DTNBP1: variants seen among roughly 807,000 people sequenced by gnomAD.
The protein encoded by DTNBP1 is dystrobrevin binding protein 1.
Under a neutral mutation model 42.8 loss-of-function variants are expected in DTNBP1, and 35 were observed. The ratio of observed to expected loss-of-function variants is 0.82; its 90% confidence interval spans 0.63 to 1.09. DTNBP1 has a LOEUF of 1.09. Ranked by LOEUF, DTNBP1 falls within the 50% of genes least tolerant of loss-of-function variation. The pLI is 0.00. For missense variants in DTNBP1, 457 were observed against 424.2 expected, an observed-to-expected ratio of 1.08 and a Z score of -0.68; for synonymous variants, 171 against 162.2, an observed-to-expected ratio of 1.05 and a Z score of -0.41.
At chr6:15,524,476 G>A in intron 9 of DTNBP1, 50 bp downstream of exon 9, 6 of 1,613,348 alleles carry the variant, frequency 3.7e-6, no homozygotes, top group East Asian at 4.5e-5. Flanking sequence ...TTGGAGGGGA[G>A]TGGCATCGAT....
chr6:15,637,776 T>G lies in DTNBP1; in HGVS notation c.190A>C (p.Arg64=). ...GCACTTGCACAGTCTTTGGCTCTTC[T>G]GTGAAGTGCAGCCCATGTATCCTCA... ...RYEDTWAALH[R]RAKDCASAGE... Residue 64 remains arginine, a synonymous_variant, in exon 4 of 10, where the codon AGA becomes CGA. Transcript: ENST00000344537. 2 of 1,613,800 alleles carry G rather than the reference T, an allele frequency of 1.2e-6. No homozygotes were observed.
intron 7 of DTNBP1, among the ~76,000 whole-genome samples, chr6:15,543,066 C>T (rs990204796): frequency 1.3e-5 from 2 of 152,110 alleles, no homozygotes; most frequent in South Asian, 4.2e-4. Flanking sequence ...AATTTTTAGC[C>T]ATAAAAAATT....
intron 4 of DTNBP1, 134 bp from the exon 5 acceptor site, chr6:15,627,609 G>A: frequency 7.6e-7 from 1 of 1,313,112 alleles, no homozygotes; most frequent in Middle Eastern, 2.5e-4. Flanking sequence ...TTCTAAAAGA[G>A]ACTGAAGTTG....
At chr6:15,523,418 T>C in intron 9 of DTNBP1, 199 bp from the exon 10 acceptor site, 1 of 1,246,930 alleles carries the variant, frequency 8.0e-7, no homozygotes, top group Non-Finnish European at 1.1e-6. Flanking sequence ...GGCCCTGCGG[T>C]GACCCTTCTG....
chr6:15,559,500 T>C (rs1361543791), intron 7 of DTNBP1, among the ~76,000 whole-genome samples: 1 of 152,196 alleles, frequency 6.6e-6, no homozygotes, highest in African/African-American at 2.4e-5. Flanking sequence ...GTTCATTGGC[T>C]AGACTGAGAA....
chr6:15,542,477 T>C (rs1490219017), intron 7 of DTNBP1, among the ~76,000 whole-genome samples: 2 of 152,122 alleles, frequency 1.3e-5, no homozygotes, highest in East Asian at 3.9e-4. Context: ...GTTCAAGCCA[T>C]TCTCCTGCCT....
intron 3 of DTNBP1, among the ~76,000 whole-genome samples, chr6:15,647,778 A>G (rs1039526696): frequency 2.0e-5 from 3 of 151,970 alleles, no homozygotes; most frequent in African/African-American, 7.2e-5. Flanking sequence ...AAAAAACCTC[A>G]AGATGAAATA....
chr6:15,526,540 C>T (rs943302279), intron 8 of DTNBP1, among the ~76,000 whole-genome samples: 28 of 152,240 alleles, frequency 1.8e-4, no homozygotes, highest in Admixed American at 4.6e-4. Flanking sequence ...CCATGCTTGG[C>T]GGCATCACCC....
At chr6:15,642,454 G>A (rs964434424) in intron 3 of DTNBP1, among the ~76,000 whole-genome samples, 5 of 152,100 alleles carry the variant, frequency 3.3e-5, no homozygotes, top group African/African-American at 1.2e-4. Flanking sequence ...CTCAGGGCAG[G>A]TGCTTCCACC....
chr6:15,636,057 T>C (rs1331980616), intron 4 of DTNBP1, among the ~76,000 whole-genome samples: 1 of 152,162 alleles, frequency 6.6e-6, no homozygotes, highest in African/African-American at 2.4e-5. Flanking sequence ...GAGCCTGATT[T>C]AATCTGTGGA....
chr6:15,569,310 A>G (rs1458484610), intron 7 of DTNBP1, among the ~76,000 whole-genome samples: 1 of 152,160 alleles, frequency 6.6e-6, no homozygotes, highest in Non-Finnish European at 1.5e-5. Context: ...GATGTGCTTC[A>G]GACCCTGAAT....
At chr6:15,654,540 A>G (rs190086406) in intron 1 of DTNBP1, among the ~76,000 whole-genome samples, 278 of 152,308 alleles carry the variant, frequency 1.8e-3, no homozygotes, top group African/African-American at 6.5e-3. Flanking sequence ...TCAACTATTT[A>G]TTTCTAAAAC....
intron 7 of DTNBP1, among the ~76,000 whole-genome samples, chr6:15,582,521 T>C (rs1011990017): frequency 2.6e-5 from 4 of 152,242 alleles, no homozygotes; most frequent in East Asian, 1.9e-4. Flanking sequence ...ATTATACTTA[T>C]ATACCTATAA....
intron 7 of DTNBP1, among the ~76,000 whole-genome samples, chr6:15,563,526 C>T (rs1774933919): frequency 6.6e-6 from 1 of 152,098 alleles, no homozygotes; most frequent in African/African-American, 2.4e-5. Flanking sequence ...ATCTGTATAC[C>T]CATTGTTCCT....
chr6:15,627,213 T>A (rs778961141), intron 5 of DTNBP1, 130 bp downstream of exon 5: 17 of 1,202,576 alleles, frequency 1.4e-5, no homozygotes, highest in Non-Finnish European at 1.5e-5. Flanking sequence ...AAATATGAAA[T>A]CATGATTTTC....
chr6:15,558,762 T>C (rs2113461842), intron 7 of DTNBP1, among the ~76,000 whole-genome samples: 1 of 152,368 alleles, frequency 6.6e-6, no homozygotes, highest in African/African-American at 2.4e-5. Flanking sequence ...CCATCCTTTC[T>C]GTTTTGTTTT....
At chr6:15,558,729 T>C (rs1249033552) in intron 7 of DTNBP1, among the ~76,000 whole-genome samples, 4 of 152,386 alleles carry the variant, frequency 2.6e-5, no homozygotes, top group African/African-American at 7.2e-5. Context: ...AATCTGTTTA[T>C]GACTTTCTAC....
chr6:15,577,104 C>T (rs1168353963), intron 7 of DTNBP1, among the ~76,000 whole-genome samples: 2 of 152,172 alleles, frequency 1.3e-5, no homozygotes, highest in Admixed American at 6.5e-5. Context: ...AGGGAACGAG[C>T]CAGGCCACCA....
intron 7 of DTNBP1, among the ~76,000 whole-genome samples, chr6:15,540,286 C>T (rs989786021): frequency 6.6e-6 from 1 of 152,174 alleles, no homozygotes; most frequent in African/African-American, 2.4e-5. Flanking sequence ...CTGCCAAGTG[C>T]ATTAGAATAA....
Sources: gnomAD v4.1 joint callset for allele counts (sites outside exome capture counted in the v4.1 genomes callset) on GRCh38, gnomAD v4.1.1 for gene constraint, MANE v1.5 for transcripts, NCBI Gene and HGNC (gene_info 2026-07-23, HGNC 2026-07-21) for gene names.